The following STEAP1B variants were observed in gnomAD, a reference collection of about 807,000 sequenced individuals.
STEAP1B encodes STEAP family protein MGC87042.
Under a neutral mutation model 27.9 loss-of-function variants are expected in STEAP1B, and 13 were observed. The observed-to-expected ratio is 0.47, with a 90% CI of 0.30 to 0.74. The LOEUF is 0.74. Ranked by LOEUF, STEAP1B falls within the 30% of genes least tolerant of loss-of-function variation. The pLI is 0.06. For synonymous variants in STEAP1B, 86 were observed against 107.1 expected, an observed-to-expected ratio of 0.80 and a Z score of 1.22; for missense variants, 250 against 298.7, an observed-to-expected ratio of 0.84 and a Z score of 1.20.
chr7:22,435,644 G>A (rs563401095), intron 4 of STEAP1B, among the ~76,000 whole-genome samples: 18 of 152,224 alleles, frequency 1.2e-4, no homozygotes, highest in African/African-American at 3.6e-4. Flanking sequence ...ACATAAAATC[G>A]TGAGAAACTG....
intron 4 of STEAP1B, among the ~76,000 whole-genome samples, chr7:22,452,211 C>G (rs1785502044): frequency 6.6e-6 from 1 of 152,192 alleles, no homozygotes; most frequent in South Asian, 2.1e-4. Flanking sequence ...ACTCTGGAAG[C>G]GAGGGCGTGG....
intron 2 of STEAP1B, among the ~76,000 whole-genome samples, chr7:22,494,430 T>C (rs1786401433): frequency 2.6e-5 from 1 of 37,862 alleles, no homozygotes; most frequent in Admixed American, 2.4e-4. Context: ...CATTGATGAC[T>C]TTTTTTTTTT....
rs1785548577 is a variant in STEAP1B at position 22,454,843 on chromosome 7, ATATATGTATATATATATATATATTTTT to A, written c.763-35034_763-35008del. Among the ~76,000 whole-genome samples, 4 of 93,412 alleles carry A rather than the reference ATATATGTATATATATATATATATTTTT, an allele frequency of 4.3e-5. No individual in the cohort carries two copies. The South Asian group carries it at 1.3e-3, about 30-fold the overall frequency. 61.3% of individuals were successfully genotyped at this position (93,412 alleles called of 152,430 possible). A position where few individuals can be genotyped will look rare whatever the true frequency, so the allele number is the denominator to read the frequency against. On this transcript the variant is annotated intron_variant, in intron 4 of 4. Coordinates refer to ENST00000678116, the MANE Select transcript of STEAP1B (RefSeq NM_001382447.1). ...AAGAAAATATTATATATATATATAT[ATATATGTATATATATATATATATTTTT>A]TTTTTTTTTTGAGACAGAGTCTCGC... is the stretch of plus-strand genomic sequence containing the variant.
intron 4 of STEAP1B, among the ~76,000 whole-genome samples, chr7:22,479,851 G>A (rs1011650415): frequency 1.3e-5 from 2 of 151,788 alleles, no homozygotes; most frequent in Non-Finnish European, 2.9e-5. Context: ...ACGCCCAGCC[G>A]ATTTCAGTAT....
At chr7:22,498,124 C>A (rs1213072493) in intron 1 of STEAP1B, among the ~76,000 whole-genome samples, 1 of 152,200 alleles carries the variant, frequency 6.6e-6, no homozygotes, top group African/African-American at 2.4e-5. Flanking sequence ...GGCAGTAATG[C>A]TCGCTGGCCT....
At chr7:22,479,538 A>G (rs1028182532) in intron 4 of STEAP1B, among the ~76,000 whole-genome samples, 18 of 152,122 alleles carry the variant, frequency 1.2e-4, no homozygotes, top group Non-Finnish European at 2.1e-4. Flanking sequence ...CTGGCTGGCC[A>G]ATCTTTTATG....
chr7:22,480,553 G>A (rs1482723858), intron 4 of STEAP1B, among the ~76,000 whole-genome samples: 1 of 152,234 alleles, frequency 6.6e-6, no homozygotes, highest in Non-Finnish European at 1.5e-5. Context: ...GACAGGGAAA[G>A]TTGCCATAAG....
At chr7:22,442,835 G>T (rs1298577551) in intron 4 of STEAP1B, among the ~76,000 whole-genome samples, 1 of 152,174 alleles carries the variant, frequency 6.6e-6, no homozygotes, top group Non-Finnish European at 1.5e-5. Context: ...CTCCCAGAAA[G>T]AAATAGGAGT....
At chr7:22,489,424 C>A (rs546751207) in intron 4 of STEAP1B, among the ~76,000 whole-genome samples, 1 of 152,178 alleles carries the variant, frequency 6.6e-6, no homozygotes, top group Non-Finnish European at 1.5e-5. Flanking sequence ...GGGTTGAATT[C>A]TGTCCTCCAA....
At chr7:22,474,493 A>G (rs1416725202) in intron 4 of STEAP1B, among the ~76,000 whole-genome samples, 1 of 152,228 alleles carries the variant, frequency 6.6e-6, no homozygotes, top group Non-Finnish European at 1.5e-5. Flanking sequence ...GGGAAGAGCC[A>G]GCTTCCTGTG....
chr7:22,426,738 G>A (rs767136070), intron 4 of STEAP1B, among the ~76,000 whole-genome samples: 3 of 152,214 alleles, frequency 2.0e-5, no homozygotes, highest in Non-Finnish European at 4.4e-5. Flanking sequence ...TGGACATAGA[G>A]CAGTGAACAC....
chr7:22,435,111 G>A (rs1048504622), intron 4 of STEAP1B, among the ~76,000 whole-genome samples: 1 of 152,108 alleles, frequency 6.6e-6, no homozygotes, highest in East Asian at 1.9e-4. Context: ...GTCCCAGATA[G>A]ATCTGGCCAG....
chr7:22,420,014 C>A (rs1180266233), intron 4 of STEAP1B, among the ~76,000 whole-genome samples, 178 bp from the exon 5 acceptor site: 1 of 152,154 alleles, frequency 6.6e-6, no homozygotes, highest in Non-Finnish European at 1.5e-5. Context: ...TTTCCTCGGG[C>A]CTAGAATTCC....
chr7:22,456,014 G>T (rs1785573094), intron 4 of STEAP1B, among the ~76,000 whole-genome samples: 1 of 152,184 alleles, frequency 6.6e-6, no homozygotes, highest in African/African-American at 2.4e-5. Flanking sequence ...GGGCCTGGTG[G>T]TGAGCGCCTG....
chr7:22,497,742 T>C (rs1786466580), intron 1 of STEAP1B, among the ~76,000 whole-genome samples: 1 of 152,200 alleles, frequency 6.6e-6, no homozygotes, highest in Non-Finnish European at 1.5e-5. Context: ...GTAATTATTA[T>C]AAAGAAAGGA....
rs75149084 is a variant in STEAP1B at position 22,482,292 on chromosome 7, G to C, written c.762+10273C>G. On this transcript the variant is annotated intron_variant, in intron 4 of 4. Transcript: ENST00000678116. Reference sequence around the variant, plus strand: ...GCTCTCAGGAGAAGGGGCACACATAGATTTGCCAGATAAAATAGAGGATGC... The same window carrying C: ...GCTCTCAGGAGAAGGGGCACACATACATTTGCCAGATAAAATAGAGGATGC... 4.3e-3 allele frequency among the ~76,000 whole-genome samples: 650 copies of C among 152,318 alleles called. 1 individual carries two copies. Among genetic ancestry groups the C allele is most frequent in the African/African-American group, 0.015 (626 of 41,564 alleles).
chr7:22,441,169 A>G lies in STEAP1B; in HGVS notation c.763-21333T>C, dbSNP rs1472454863. Among the ~76,000 whole-genome samples the G allele has an allele frequency of 3.9e-5, 6 of 152,254 alleles. No homozygotes were observed. The East Asian group carries it at 1.2e-3, about 29-fold the overall frequency. On this transcript the variant is annotated intron_variant, in intron 4 of 4. Transcript: ENST00000678116. ...AATTTGTTAGTCAATTCCTAGTTTC[A>G]AAAACTCCATAATTTGTATTATTTT...
At chr7:22,422,292 C>T (rs1583625114) in intron 4 of STEAP1B, among the ~76,000 whole-genome samples, 1 of 152,190 alleles carries the variant, frequency 6.6e-6, no homozygotes. Flanking sequence ...ACTGAGTATG[C>T]TTAGTTGCCC....
intron 4 of STEAP1B, among the ~76,000 whole-genome samples, chr7:22,470,653 C>G (rs1022186287): frequency 7.2e-5 from 11 of 152,110 alleles, no homozygotes; most frequent in Non-Finnish European, 1.0e-4. Context: ...GTAGTCCCAG[C>G]TACTTGGGAG....
Sources: gnomAD v4.1 joint callset for allele counts (sites outside exome capture counted in the v4.1 genomes callset) on GRCh38, gnomAD v4.1.1 for gene constraint, MANE v1.5 for transcripts, NCBI Gene and HGNC (gene_info 2026-07-23, HGNC 2026-07-21) for gene names.